The following AMOT variants were observed in gnomAD, a reference collection of about 807,000 sequenced individuals.
AMOT encodes angiomotin.
In AMOT, 11 loss-of-function variants were observed where a neutral mutation model predicts 67.0. The ratio of observed to expected loss-of-function variants is 0.16; its 90% confidence interval spans 0.10 to 0.27. The LOEUF is 0.27. Ranked by LOEUF, AMOT falls within the 10% of genes least tolerant of loss-of-function variation. The pLI is 1.00. For synonymous variants in AMOT, 326 were observed against 321.4 expected (o/e 1.01, Z -0.15); for missense variants, 753 against 852.0 (o/e 0.88, Z 1.45).
chrX:112,778,626 T>C lies in AMOT; in HGVS notation c.3196A>G (p.Thr1066Ala). The C allele has an allele frequency of 8.3e-7, 1 of 1,204,904 alleles. No homozygotes were observed. Residue 1066 changes from threonine (T) to alanine (A), a missense_variant, in exon 14 of 14, where the codon ACT becomes GCT. Around this residue, in one of 5 missense-constraint regions of AMOT, gnomAD observed 269 missense variants for 300.9 expected, o/e 0.89. Transcript: ENST00000371959. ...VFHSNTLERK[T>A]PIQILGQEPD... Reference sequence around the variant, plus strand: ...TCTTGTCCCAGGATCTGAATGGGAGTTTTTCTTTCCAGAGTATTGGAGTGG... The same window carrying C: ...TCTTGTCCCAGGATCTGAATGGGAGCTTTTCTTTCCAGAGTATTGGAGTGG...
rs1438803295 is a variant in AMOT at position 112,776,357 on chromosome X, C to G, written c.*2210G>C. On this transcript the variant is annotated 3_prime_UTR_variant, in exon 14 of 14. Coordinates refer to ENST00000371959, the MANE Select transcript of AMOT (RefSeq NM_001113490.2). ...TAGAAAGTAGCTCTCCTGAAGTTTGCTACTTGCTGCTTCTACTATTTGAGT... is the reference window on the plus strand; with the variant it reads ...TAGAAAGTAGCTCTCCTGAAGTTTGGTACTTGCTGCTTCTACTATTTGAGT... The G allele has an allele frequency of 8.9e-6, 1 of 112,375 alleles. No homozygotes were observed. Among genetic ancestry groups the G allele is most frequent in the Non-Finnish European group, 1.9e-5 (1 of 53,281 alleles). The allele number at this position is 112,375 out of a possible 1,213,427, so 9.3% of individuals were successfully genotyped here.
chrX:112,809,381 C>T (rs751930950), intron 7 of AMOT, among the ~76,000 whole-genome samples: 1 of 111,154 alleles, frequency 9.0e-6, no homozygotes, highest in African/African-American at 3.3e-5. Flanking sequence ...TGCCCTCCCC[C>T]ACATCCTCCA....
intron 1 of AMOT, among the ~76,000 whole-genome samples, chrX:112,834,508 C>G (rs1418748553): frequency 8.9e-6 from 1 of 111,910 alleles, no homozygotes; most frequent in Admixed American, 9.5e-5. Context: ...CAAATCCACC[C>G]TTTCTAGCTT....
intron 11 of AMOT, among the ~76,000 whole-genome samples, chrX:112,782,143 C>A (rs780205037): frequency 6.2e-5 from 7 of 112,139 alleles, no homozygotes; most frequent in African/African-American, 2.3e-4. Flanking sequence ...CCCGCCTTGG[C>A]CTTCCAAAGT....
At position 112,815,787 on chromosome X, in the gene AMOT, G is replaced by T. The variant is rs1934534821; in HGVS notation, c.963C>A (p.Pro321=). 8.6e-7 allele frequency: 1 copy of T among 1,167,740 alleles called. No individual in the cohort carries two copies. Residue 321 remains proline, a synonymous_variant, in exon 5 of 14, where the codon CCC becomes CCA. Coordinates refer to ENST00000371959, the MANE Select transcript of AMOT (RefSeq NM_001113490.2). ...TAGTGGATGGTGGAGATTGTAGCAA[G>T]GGCAAGGACCCCCCAGAGGTCAGAG... ...TSSLTSGGSL[P]LLQSPPSTRL... is the part of the protein sequence containing the mutation.
intron 1 of AMOT, among the ~76,000 whole-genome samples, chrX:112,835,237 A>G (rs958657301): frequency 1.1e-4 from 12 of 111,700 alleles, no homozygotes; most frequent in African/African-American, 3.6e-4. Context: ...CCTTGGTCAC[A>G]TGGTAAGACA....
rs372193689 is a variant in AMOT at position 112,790,756 on chromosome X, G to T, written c.1953C>A (p.Asn651Lys). The T allele has an allele frequency of 7.5e-6, 9 of 1,193,697 alleles. No homozygotes were observed. Among genetic ancestry groups the T allele is most frequent in the African/African-American group, 3.5e-5 (2 of 56,793 alleles). Reference sequence around the variant, plus strand: ...GTGCAGCAGCATTGTATTCTGAAACGTTGGTGGGCTGACAGTTGCCCTGAC... The same window carrying T: ...GTGCAGCAGCATTGTATTCTGAAACTTTGGTGGGCTGACAGTTGCCCTGAC... Reference protein sequence around the residue: ...QQRQGNCQPTNVSEYNAAALM... With the variant: ...QQRQGNCQPTKVSEYNAAALM... Residue 651 changes from asparagine (N) to lysine (K), a missense_variant, in exon 10 of 14, where the codon AAC (asparagine) becomes AAA (lysine). Coordinates refer to ENST00000371959, the MANE Select transcript of AMOT (RefSeq NM_001113490.2).
rs1286964365 is a variant in AMOT, at chrX:112,775,577, T to C, written c.*2990A>G. The stretch of plus-strand genomic sequence containing the variant: ...GATGATGGCAGATATTTTAGGTTCC[T>C]GCTGTCCTATTACCTTGAAGCTCAA... On this transcript the variant is annotated 3_prime_UTR_variant, in exon 14 of 14. Coordinates refer to ENST00000371959, the MANE Select transcript of AMOT (RefSeq NM_001113490.2). The C allele has an allele frequency of 8.9e-6, 1 of 112,375 alleles. No individual in the cohort carries two copies. Among genetic ancestry groups the C allele is most frequent in the Non-Finnish European group, 1.9e-5 (1 of 53,241 alleles). 9.3% of individuals were successfully genotyped at this position (112,375 alleles called of 1,213,427 possible).
intron 8 of AMOT, among the ~76,000 whole-genome samples, chrX:112,803,014 C>T (rs777914066): frequency 4.9e-4 from 55 of 112,009 alleles, no homozygotes; most frequent in South Asian, 1.1e-3. Context: ...GGCTGAGCAC[C>T]CTTCCTGGAG....
chrX:112,783,030 C>T (rs1224894833), intron 10 of AMOT, among the ~76,000 whole-genome samples: 1 of 111,328 alleles, frequency 9.0e-6, no homozygotes, highest in Non-Finnish European at 1.9e-5. Flanking sequence ...CATGGTGGCT[C>T]ATGCCTGTAA....
chrX:112,817,958 G>C (rs899991952), intron 4 of AMOT, among the ~76,000 whole-genome samples: 1 of 111,291 alleles, frequency 9.0e-6, no homozygotes, highest in African/African-American at 3.3e-5. Flanking sequence ...CTTTGAATGA[G>C]AGCTATTACA....
At chrX:112,838,533 T>C (rs1434024632) in intron 1 of AMOT, among the ~76,000 whole-genome samples, 1 of 111,985 alleles carries the variant, frequency 8.9e-6, no homozygotes, top group African/African-American at 3.3e-5. Context: ...TAGAGTCTGA[T>C]GCAGTCTTTA....
At chrX:112,819,342 C>T (rs1934653528) in intron 4 of AMOT, 2 of 752,677 alleles carry the variant, frequency 2.7e-6, no homozygotes, top group Non-Finnish European at 1.6e-6. Context: ...ACTGCCTTTC[C>T]CAGGCTCTGC....
At chrX:112,821,721 C>T (rs1446937398) in intron 4 of AMOT, among the ~76,000 whole-genome samples, 1 of 111,915 alleles carries the variant, frequency 8.9e-6, no homozygotes, top group Non-Finnish European at 1.9e-5. Flanking sequence ...TACATACATA[C>T]ATAGCTCCCC....
intron 1 of AMOT, among the ~76,000 whole-genome samples, chrX:112,836,702 T>C (rs1935137841): frequency 9.1e-6 from 1 of 109,700 alleles, no homozygotes; most frequent in Admixed American, 9.9e-5. Flanking sequence ...AATGCATCTA[T>C]ATTCATATAT....
intron 13 of AMOT, 36 bp from the exon 14 acceptor site, chrX:112,778,700 T>C: frequency 8.9e-7 from 1 of 1,121,492 alleles, no homozygotes; most frequent in African/African-American, 1.8e-5. Flanking sequence ...CACTTAGGGA[T>C]GAAGAAAAAA....
chrX:112,807,099 G>A (rs909281289), intron 7 of AMOT, among the ~76,000 whole-genome samples: 2 of 110,903 alleles, frequency 1.8e-5, no homozygotes, highest in Admixed American at 9.6e-5. Flanking sequence ...GAGCCTAACC[G>A]ACCCACGGGA....
At chrX:112,840,097 T>G (rs1935253141) in intron 1 of AMOT, among the ~76,000 whole-genome samples, 1 of 111,434 alleles carries the variant, frequency 9.0e-6, no homozygotes, top group South Asian at 3.8e-4. Flanking sequence ...AGCACTGACA[T>G]GCATGCTGGG....
At chrX:112,836,860 CA>C (rs1935142895) in intron 1 of AMOT, among the ~76,000 whole-genome samples, 1 of 92,267 alleles carries the variant, frequency 1.1e-5, no homozygotes, top group Non-Finnish European at 2.2e-5. Context: ...AACTGGCTCT[CA>C]AAATTACCCT....
Sources: allele counts gnomAD v4.1 joint callset (sites outside exome capture counted in the v4.1 genomes callset), GRCh38; gene constraint gnomAD v4.1.1; regional missense constraint gnomAD v4.1.1; transcripts MANE v1.5; gene names NCBI Gene and HGNC (gene_info 2026-07-23, HGNC 2026-07-21).